The following ADAMTS13 variants were observed in gnomAD, a reference collection of about 807,000 sequenced individuals.
ADAMTS13 encodes the protein A disintegrin and metalloproteinase with thrombospondin motifs 13.
A neutral mutation model predicts 155.1 loss-of-function variants in ADAMTS13; 110 were observed. The observed-to-expected ratio is 0.71, with a 90% CI of 0.61 to 0.83. The LOEUF is 0.83. Ranked by LOEUF, ADAMTS13 falls within the 40% of genes least tolerant of loss-of-function variation. The probability of loss-of-function intolerance (pLI) is 0.00; values close to 1 mark genes in which losing one functional copy is unlikely to be tolerated. For missense variants in ADAMTS13, 1,707 were observed against 1,891.7 expected (o/e 0.90, Z 1.81); for synonymous variants, 758 against 756.4 (o/e 1.00, Z -0.03).
At chr9:133,414,799 G>T (rs1554781183) in intron 1 of ADAMTS13, 5 of 1,614,144 alleles carry the variant, frequency 3.1e-6, no homozygotes, top group Non-Finnish European at 4.2e-6. Context: ...TGGCCTTGGT[G>T]CGAGGTACTG....
chr9:133,429,649 G>T, intron 7 of ADAMTS13: 1 of 431,570 alleles, frequency 2.3e-6, no homozygotes, highest in South Asian at 1.9e-5. Flanking sequence ...TCCCCTTCCC[G>T]CCGACCGCAC....
rs1048944067 is a variant in ADAMTS13, at chr9:133,440,800, A to G, written c.1968+275A>G. Among the ~76,000 whole-genome samples, 5 of 152,126 alleles carry G rather than the reference A, an allele frequency of 3.3e-5. No individual in the cohort carries two copies. Among genetic ancestry groups the G allele is most frequent in the Admixed American group, 6.6e-5 (1 of 15,264 alleles). ...GGATCAGGTAAGGTTGGAGGGCCCA[A>G]TGCAGGGGTCCAGGGCTCCCTGGGA... On this transcript the variant is annotated intron_variant, in intron 16 of 28. Coordinates refer to ENST00000355699, the MANE Select transcript of ADAMTS13 (RefSeq NM_139027.6). The surrounding 1 kb of genome is among the most constrained non-coding windows in gnomAD (Gnocchi z 4.3).
chr9:133,415,238 T>A (rs958906421), intron 1 of ADAMTS13, among the ~76,000 whole-genome samples: 1 of 152,150 alleles, frequency 6.6e-6, no homozygotes, highest in African/African-American at 2.4e-5. Context: ...CTTATTATAA[T>A]GCATTTTGCA....
chr9:133,432,055 G>C (rs1011360568), intron 8 of ADAMTS13, among the ~76,000 whole-genome samples: 5 of 152,202 alleles, frequency 3.3e-5, no homozygotes, highest in Non-Finnish European at 5.9e-5. Context: ...CCTGAGGTCG[G>C]GAGTTTGAGA....
In ADAMTS13 at chr9:133,428,689, G is replaced by A. The variant is rs1465452144; in HGVS notation, c.742G>A (p.Val248Met). Residue 248 changes from valine (V) to methionine (M), a missense_variant, in exon 7 of 29, where the codon GTG becomes ATG. This residue lies in a region of ADAMTS13 where 733 missense variants were observed against 749.6 expected (regional missense o/e 0.98). Transcript: ENST00000355699. The part of the protein sequence containing the change: ...PGSGCGPSGH[V>M]MASDGAAPRA... Reference sequence around the variant, plus strand: ...CAGCGGCTGCGGCCCCAGCGGACACGTGATGGCTTCGGACGGCGCCGCGCC... The same window carrying A: ...CAGCGGCTGCGGCCCCAGCGGACACATGATGGCTTCGGACGGCGCCGCGCC... 42 of 1,366,138 alleles carry A rather than the reference G, an allele frequency of 3.1e-5. No homozygotes were observed. Among genetic ancestry groups the A allele is most frequent in the Non-Finnish European group, 3.7e-5 (39 of 1,056,406 alleles). The allele number at this position is 1,366,138 out of a possible 1,614,324, so 84.6% of individuals were successfully genotyped here. A position where few individuals can be genotyped will look rare whatever the true frequency, so the allele number is the denominator to read the frequency against.
At chr9:133,458,242 T>C in intron 28 of ADAMTS13, 148 bp downstream of exon 28, 1 of 1,008,788 alleles carries the variant, frequency 9.9e-7, no homozygotes, top group Non-Finnish European at 1.5e-6. Flanking sequence ...CCTCCACATA[T>C]TCACCAAGAA....
At chr9:133,417,771 G>A (rs1554782011), upstream of ADAMTS13, 11 of 1,611,888 alleles carry the variant, frequency 6.8e-6, no homozygotes, top group Non-Finnish European at 9.3e-6. Context: ...CCGAGTGAGC[G>A]TCTTGACAGG....
chr9:133,425,126 A>G lies in ADAMTS13; in HGVS notation c.331-403A>G, dbSNP rs1198219034. On this transcript the variant is annotated intron_variant, in intron 3 of 28. Coordinates refer to ENST00000355699, the MANE Select transcript of ADAMTS13 (RefSeq NM_139027.6). This position sits in a 1 kb window ranked among gnomAD's most constrained non-coding sequence, Gnocchi z 4.6. Reference sequence around the variant, plus strand: ...GATCACCCGAAGTCAGGAGTTCAAGACCAGCCTGGCCAACATGGTGAAACC... The same window carrying G: ...GATCACCCGAAGTCAGGAGTTCAAGGCCAGCCTGGCCAACATGGTGAAACC... 2.6e-5 allele frequency among the ~76,000 whole-genome samples: 4 copies of G among 152,202 alleles called. No homozygotes were observed. Among genetic ancestry groups the G allele is most frequent in the Non-Finnish European group, 5.9e-5 (4 of 68,040 alleles).
upstream of ADAMTS13, among the ~76,000 whole-genome samples, chr9:133,420,449 C>G (rs971343835): frequency 1.3e-5 from 2 of 152,214 alleles, no homozygotes; most frequent in Non-Finnish European, 2.9e-5. Context: ...TTCCAGGGAA[C>G]AAAGAGAACA....
chr9:133,443,552 G>T lies in ADAMTS13; in HGVS notation c.2411G>T (p.Cys804Phe). ...CTGGAAACCTGCAACCCCCAGCCCT[G>T]CCCTGCCAGGTGAGCCCAGGGCTAG... ...VALETCNPQP[C>F]PARWEVSEPS... is the part of the protein sequence containing the mutation. The change falls in exon 19 of 29, where the codon TGC becomes TTC. Residue 804 changes from cysteine to phenylalanine, a missense_variant. By Grantham distance (205) the Cys-to-Phe change is radical. Transcript: ENST00000355699. 6.4e-7 allele frequency: 1 copy of T among 1,552,328 alleles called. No homozygotes were observed. Among genetic ancestry groups the T allele is most frequent in the Non-Finnish European group, 8.7e-7 (1 of 1,154,956 alleles).
rs148365271 is a variant in ADAMTS13 at position 133,436,879 on chromosome 9, C to T, written c.1359C>T (p.Thr453=). The T allele has an allele frequency of 7.9e-4, 1,261 of 1,586,842 alleles. 1 individual carries two copies. The highest frequency in any genetic ancestry group is 9.8e-4 in the Non-Finnish European group (1,149 of 1,167,418). Residue 453 remains threonine, a synonymous_variant, in exon 12 of 29, where the codon ACC becomes ACT. Transcript: ENST00000355699. ...LEFMSQQCAR[T]DGQPLRSSPG... ...TCATGTCGCAACAGTGCGCCAGGAC[C>T]GACGGCCAGCCGCTGCGCTCCTCCC...
chr9:133,453,798 G>T (rs1310352649), intron 23 of ADAMTS13, among the ~76,000 whole-genome samples: 1 of 152,200 alleles, frequency 6.6e-6, no homozygotes, highest in Admixed American at 6.5e-5. Flanking sequence ...AGGAGGTGGG[G>T]TCTGGTTTGG....
rs1840127944 is a variant in ADAMTS13 at position 133,424,223 on chromosome 9, A to C, written c.173-98A>C. 4 of 1,575,688 alleles carry C rather than the reference A, an allele frequency of 2.5e-6. No homozygotes were observed. The highest frequency in any genetic ancestry group is 3.4e-6 in the Non-Finnish European group (4 of 1,159,828). ...GTGACACGCAATGTCTTGACTTCGG[A>C]AGGCCATCCTTCCAAGACCTGCCAG... On this transcript the variant is annotated intron_variant, in intron 2 of 28. Coordinates refer to ENST00000355699, the MANE Select transcript of ADAMTS13 (RefSeq NM_139027.6). This position sits in a 1 kb window ranked among gnomAD's most constrained non-coding sequence, Gnocchi z 4.3.
Position 133,430,033 on chromosome 9 carries a change from G to A in ADAMTS13, c.919G>A (p.Ala307Thr), listed in dbSNP as rs150518374. ...PDAQPGLYYS[A>T]NEQCRVAFGP... ...TGCGCAGCCTGGCCTCTACTACAGC[G>A]CCAACGAGCAGTGCCGCGTGGCCTT... Residue 307 changes from alanine to threonine, a missense_variant, in exon 8 of 29, where the codon GCC becomes ACC. Coordinates refer to ENST00000355699, the MANE Select transcript of ADAMTS13 (RefSeq NM_139027.6). 3.5e-5 allele frequency: 56 copies of A among 1,594,318 alleles called. No individual in the cohort carries two copies. The African/African-American group carries it at 6.3e-4, about 18-fold the overall frequency.
intron 11 of ADAMTS13, among the ~76,000 whole-genome samples, chr9:133,434,557 G>C (rs916877307): frequency 1.3e-5 from 2 of 152,114 alleles, no homozygotes; most frequent in Admixed American, 1.3e-4. Context: ...CGCCTGCCTC[G>C]GCCTCCCAAA....
chr9:133,457,786 C>T, intron 27 of ADAMTS13, 124 bp from the exon 28 acceptor site: 1 of 1,288,226 alleles, frequency 7.8e-7, no homozygotes, highest in Non-Finnish European at 1.1e-6. Context: ...GCAGGATTTG[C>T]CTGGGAACCC....
At chr9:133,443,202 C>G (rs587703581) in intron 18 of ADAMTS13, among the ~76,000 whole-genome samples, 174 bp from the exon 19 acceptor site, 1 of 152,216 alleles carries the variant, frequency 6.6e-6, no homozygotes, top group Non-Finnish European at 1.5e-5. Context: ...GCCTGTGATT[C>G]GGTTGTCCTC....
At chr9:133,430,244 C>G in intron 8 of ADAMTS13, 143 bp downstream of exon 8, 1 of 1,015,770 alleles carries the variant, frequency 9.8e-7, no homozygotes, top group Non-Finnish European at 1.5e-6. Flanking sequence ...TAGTTTAATG[C>G]TGTCTGTGCC....
chr9:133,443,411 C>T lies in ADAMTS13; in HGVS notation c.2270C>T (p.Ser757Phe). 6.3e-7 allele frequency: 1 copy of T among 1,599,308 alleles called. No homozygotes were observed. Among genetic ancestry groups the T allele is most frequent in the Non-Finnish European group, 8.5e-7 (1 of 1,177,804 alleles). The change falls in exon 19 of 29, where the codon TCC becomes TTC. Residue 757 changes from serine (S) to phenylalanine (F), a missense_variant. Ser to Phe is a radical substitution (Grantham distance 155, BLOSUM62 -2). This residue lies in a region of ADAMTS13 where 961 missense variants were observed against 1,107.9 expected (regional missense o/e 0.87). Coordinates refer to ENST00000355699, the MANE Select transcript of ADAMTS13 (RefSeq NM_139027.6). ...GGAGACTTCGGCCCATGCAGCGCCT[C>T]CTGTGGGGGTGGCCTGCGGGAGCGG... ...AVGDFGPCSASCGGGLRERPV... is the reference protein window; with the variant it reads ...AVGDFGPCSAFCGGGLRERPV...
Sources: allele counts gnomAD v4.1 joint callset (sites outside exome capture counted in the v4.1 genomes callset), GRCh38; gene constraint gnomAD v4.1.1; regional missense constraint gnomAD v4.1.1; non-coding constraint Gnocchi (gnomAD v3.1); transcripts MANE v1.5; gene names NCBI Gene and HGNC (gene_info 2026-07-23, HGNC 2026-07-21).